NXPE2: variants seen among roughly 807,000 people sequenced by gnomAD.
The protein encoded by NXPE2 is NXPE family member 2.
NXPE2 carries 34 observed loss-of-function variants against 34.4 expected under a neutral mutation model. The observed-to-expected ratio is 0.99, with a 90% CI of 0.75 to 1.31. NXPE2 has a LOEUF of 1.31. Ranked by LOEUF, NXPE2 falls within the 40% of genes most tolerant of loss-of-function variation. NXPE2 has a pLI of 0.00. For synonymous variants in NXPE2, 235 were observed against 231.3 expected, an observed-to-expected ratio of 1.02 and a Z score of -0.15; for missense variants, 649 against 672.5, an observed-to-expected ratio of 0.97 and a Z score of 0.39.
At chr11:114,531,541 A>G in the NXPE2 span, among the ~76,000 whole-genome samples, 90,923 of 152,062 alleles carry the variant, frequency 0.6, 28,932 homozygotes, top group African/African-American at 0.84. Flanking sequence ...GTCATCTCCC[A>G]ACTTAACCCC....
At chr11:114,799,010 TG>T in the NXPE2 span, among the ~76,000 whole-genome samples, 6 of 152,356 alleles carry the variant, frequency 3.9e-5, no homozygotes, top group South Asian at 1.2e-3. Context: ...TTTTGCCTTT[TG>T]TTGCCAAATC....
the NXPE2 span, among the ~76,000 whole-genome samples, chr11:114,622,711 A>G: frequency 6.7e-6 from 1 of 150,254 alleles, no homozygotes; most frequent in Non-Finnish European, 1.5e-5. Context: ...TTCCCGGTGG[A>G]TAATACGTGT....
At chr11:114,739,318 TCCTTCCTTCCTTCCTTCCTTCCCC>T in the NXPE2 span, among the ~76,000 whole-genome samples, 2 of 53,248 alleles carry the variant, frequency 3.8e-5, no homozygotes, top group East Asian at 5.1e-4. Context: ...CTTCCTTCCT[TCCTTCCTTCCTTCCTTCCTTCCCC>T]CCTTCCTCTC....
the NXPE2 span, among the ~76,000 whole-genome samples, chr11:114,788,157 T>TAAC: frequency 4.6e-5 from 7 of 152,136 alleles, no homozygotes; most frequent in African/African-American, 1.7e-4. Flanking sequence ...GAAGCATCAA[T>TAAC]AACATCAATA....
At chr11:114,498,967 C>T in the NXPE2 span, among the ~76,000 whole-genome samples, 1 of 152,060 alleles carries the variant, frequency 6.6e-6, no homozygotes, top group Non-Finnish European at 1.5e-5. Context: ...TGTTAATTGT[C>T]TTTCCTTGAA....
chr11:114,681,025 A>G (rs1950941574), intron 2 of NXPE2, among the ~76,000 whole-genome samples: 1 of 152,184 alleles, frequency 6.6e-6, no homozygotes, highest in South Asian at 2.1e-4. Flanking sequence ...AATTGTTGCC[A>G]TAGCCTGTGT....
intron 2 of NXPE2, among the ~76,000 whole-genome samples, chr11:114,696,867 G>A (rs1263816428): frequency 2.0e-5 from 3 of 152,044 alleles, no homozygotes; most frequent in African/African-American, 7.2e-5. Flanking sequence ...GCCTGAAACC[G>A]CAGATAGTAC....
At chr11:114,629,102 A>G in the NXPE2 span, among the ~76,000 whole-genome samples, 2 of 152,090 alleles carry the variant, frequency 1.3e-5, no homozygotes, top group African/African-American at 4.8e-5. Context: ...TACAAGGAGG[A>G]ACTGGTACCA....
chr11:114,613,440 T>A, the NXPE2 span, among the ~76,000 whole-genome samples: 7 of 151,628 alleles, frequency 4.6e-5, no homozygotes, highest in Admixed American at 2.0e-4. Flanking sequence ...GTGTTGCCTC[T>A]TGTGTAACCA....
the NXPE2 span, among the ~76,000 whole-genome samples, chr11:114,743,943 A>G: frequency 6.6e-6 from 1 of 151,544 alleles, no homozygotes; most frequent in Non-Finnish European, 1.5e-5. Context: ...GTGTATATTT[A>G]TATATGCATA....
At chr11:114,538,387 A>G in the NXPE2 span, among the ~76,000 whole-genome samples, 1 of 152,204 alleles carries the variant, frequency 6.6e-6, no homozygotes, top group Non-Finnish European at 1.5e-5. Context: ...TTCATGTCTA[A>G]AACACCAAAA....
chr11:114,702,649 G>C (rs979286930), intron 3 of NXPE2, among the ~76,000 whole-genome samples: 1 of 152,058 alleles, frequency 6.6e-6, no homozygotes, highest in Admixed American at 6.6e-5. Context: ...GAAAATTTAG[G>C]CATATTAAAT....
chr11:114,705,860 G>T lies in NXPE2; in HGVS notation c.1008G>T (p.Trp336Cys). Reference protein sequence around the residue: ...FPSGYTLKKMWITAFCKQIKF... With the variant: ...FPSGYTLKKMCITAFCKQIKF... ...GTGGTTATACTTTGAAAAAAATGTG[G>T]ATTACAGCATTTTGTAAACAGATCA... is the stretch of plus-strand genomic sequence containing the variant. The change falls in exon 5 of 6, where the codon TGG (tryptophan) becomes TGT (cysteine). Residue 336 changes from tryptophan (W) to cysteine (C), a missense_variant. Trp to Cys is a radical substitution (Grantham distance 215). Transcript: ENST00000389586. The T allele has an allele frequency of 6.5e-7, 1 of 1,544,714 alleles. No homozygotes were observed. The highest frequency in any genetic ancestry group is 8.7e-7 in the Non-Finnish European group (1 of 1,144,056).
chr11:114,602,963 T>A, the NXPE2 span, among the ~76,000 whole-genome samples: 1 of 150,134 alleles, frequency 6.7e-6, no homozygotes, highest in East Asian at 2.0e-4. Flanking sequence ...TCATATACAA[T>A]TACAGAATCA....
the NXPE2 span, among the ~76,000 whole-genome samples, chr11:114,631,173 G>C: frequency 6.6e-6 from 1 of 151,998 alleles, no homozygotes; most frequent in East Asian, 1.9e-4. Flanking sequence ...CCATTACTGG[G>C]TATATACCCA....
downstream of NXPE2, among the ~76,000 whole-genome samples, chr11:114,711,002 T>C (rs527908281): frequency 2.6e-5 from 4 of 152,270 alleles, no homozygotes; most frequent in South Asian, 8.3e-4. Context: ...TACATGATCA[T>C]CTCAATTGAT....
the NXPE2 span, among the ~76,000 whole-genome samples, chr11:114,524,068 G>T: frequency 1.3e-5 from 2 of 152,170 alleles, no homozygotes; most frequent in Non-Finnish European, 2.9e-5. Flanking sequence ...TTACTGTGTG[G>T]CTTTAATCTC....
At chr11:114,527,463 T>C in the NXPE2 span, among the ~76,000 whole-genome samples, 1 of 152,158 alleles carries the variant, frequency 6.6e-6, no homozygotes, top group Non-Finnish European at 1.5e-5. Context: ...AAATTGGTAA[T>C]TGCATCAACT....
chr11:114,639,882 A>ATAT, the NXPE2 span, among the ~76,000 whole-genome samples: 1 of 51,702 alleles, frequency 1.9e-5, no homozygotes, highest in Non-Finnish European at 3.2e-5. Flanking sequence ...TAAATATAAA[A>ATAT]TATGTTATAT....
Sources: allele counts gnomAD v4.1 joint callset (sites outside exome capture counted in the v4.1 genomes callset), GRCh38; gene constraint gnomAD v4.1.1; transcripts MANE v1.5; gene names NCBI Gene and HGNC (gene_info 2026-07-23, HGNC 2026-07-21).